Variants in COLEC10 observed in about 807,000 individuals in gnomAD.
COLEC10 encodes the protein collectin-10.
COLEC10 carries 22 observed loss-of-function variants against 28.4 expected under a neutral mutation model. The ratio of observed to expected loss-of-function variants is 0.78; its 90% confidence interval spans 0.55 to 1.11. The LOEUF is 1.11. Ranked by LOEUF, COLEC10 falls within the 50% of genes least tolerant of loss-of-function variation. COLEC10 has a pLI of 0.00. For synonymous variants in COLEC10, 125 were observed against 116.1 expected (o/e 1.08, Z -0.49); for missense variants, 361 against 344.1 (o/e 1.05, Z -0.39).
chr8:119,069,564 C>T (rs1815047742), intron 1 of COLEC10, among the ~76,000 whole-genome samples: 1 of 132,578 alleles, frequency 7.5e-6, no homozygotes. Context: ...CATGATCATG[C>T]CACTTCACTC....
At chr8:118,981,327 C>T in the COLEC10 span, among the ~76,000 whole-genome samples, 1 of 152,112 alleles carries the variant, frequency 6.6e-6, no homozygotes, top group Non-Finnish European at 1.5e-5. Flanking sequence ...CTTTACATTA[C>T]TGCAATTTAA....
intron 3 of COLEC10, among the ~76,000 whole-genome samples, chr8:119,099,089 A>G (rs1260956928): frequency 6.6e-6 from 1 of 152,044 alleles, no homozygotes; most frequent in Non-Finnish European, 1.5e-5. Context: ...AAATGTTTTT[A>G]TTTAAGGTCA....
intron 2 of COLEC10, among the ~76,000 whole-genome samples, chr8:119,034,301 G>A (rs574863452): frequency 6.6e-5 from 10 of 151,948 alleles, no homozygotes; most frequent in Non-Finnish European, 1.3e-4. Context: ...ATGACAGGTT[G>A]ATGGGTGCAG....
rs1283165303 is a variant in COLEC10 at position 118,997,385 on chromosome 8, A to G, written n.122+1812A>G. Among the ~76,000 whole-genome samples, 5 of 152,106 alleles carry G rather than the reference A, an allele frequency of 3.3e-5. No homozygotes were observed. In the South Asian group the frequency reaches 1.0e-3, roughly 32 times the overall value. ...TCATATCCAATAAATCATTTTCAAG[A>G]CCAATGTTTTGAAGCTTTTCCCCTG... On this transcript the variant is annotated intron_variant and non_coding_transcript_variant, in intron 1 of 6. Transcript: ENST00000521788.
At chr8:118,971,430 G>T in the COLEC10 span, among the ~76,000 whole-genome samples, 1 of 151,862 alleles carries the variant, frequency 6.6e-6, no homozygotes, top group South Asian at 2.1e-4. Context: ...CACACTCAGG[G>T]TACCACACAC....
intron 1 of COLEC10, among the ~76,000 whole-genome samples, chr8:118,998,066 G>A (rs1017157830): frequency 2.0e-5 from 3 of 152,106 alleles, no homozygotes; most frequent in Admixed American, 6.6e-5. Context: ...AAATTAAAGT[G>A]ATGTGATTTT....
intron 2 of COLEC10, among the ~76,000 whole-genome samples, chr8:119,011,963 C>T (rs1813906780): frequency 6.6e-6 from 1 of 150,422 alleles, no homozygotes; most frequent in Admixed American, 6.6e-5. Context: ...CTGTTCTTGT[C>T]TTGTTGCATT....
intron 2 of COLEC10, among the ~76,000 whole-genome samples, chr8:119,043,814 C>A (rs1814539177): frequency 6.6e-6 from 1 of 152,204 alleles, no homozygotes; most frequent in African/African-American, 2.4e-5. Flanking sequence ...GTCCAACACT[C>A]TCCTTTAATG....
chr8:118,977,617 G>A, the COLEC10 span, among the ~76,000 whole-genome samples: 1 of 119,720 alleles, frequency 8.4e-6, no homozygotes, highest in Non-Finnish European at 1.7e-5. Context: ...GGGGGAGGGG[G>A]GAGGGATAGC....
chr8:118,981,156 C>T, the COLEC10 span, among the ~76,000 whole-genome samples: 21 of 151,958 alleles, frequency 1.4e-4, no homozygotes, highest in Middle Eastern at 3.4e-3. Flanking sequence ...CTGTGGGTTC[C>T]GCCTCAAAGT....
At chr8:119,029,489 A>G (rs1045661786) in intron 2 of COLEC10, among the ~76,000 whole-genome samples, 6 of 152,124 alleles carry the variant, frequency 3.9e-5, no homozygotes, top group Admixed American at 6.5e-5. Context: ...GGACTATGTG[A>G]TTATATACAG....
chr8:119,052,399 G>T (rs1259124966), intron 2 of COLEC10, among the ~76,000 whole-genome samples: 1 of 151,852 alleles, frequency 6.6e-6, no homozygotes, highest in East Asian at 1.9e-4. Flanking sequence ...GGTCCTTTCA[G>T]CCAGTTAAGT....
At chr8:119,001,236 A>C (rs1346475248) in intron 1 of COLEC10, among the ~76,000 whole-genome samples, 1 of 152,172 alleles carries the variant, frequency 6.6e-6, no homozygotes, top group Non-Finnish European at 1.5e-5. Flanking sequence ...TTGAAAAGAG[A>C]AAGAAAATAT....
At chr8:119,016,873 C>G (rs530732353) in intron 2 of COLEC10, among the ~76,000 whole-genome samples, 13 of 152,100 alleles carry the variant, frequency 8.5e-5, no homozygotes, top group Admixed American at 7.9e-4. Context: ...CCCACCACCA[C>G]GCCCAGCTAA....
At chr8:118,958,277 G>A in the COLEC10 span, among the ~76,000 whole-genome samples, 10 of 152,208 alleles carry the variant, frequency 6.6e-5, no homozygotes, top group African/African-American at 9.6e-5. Context: ...CGAGAGCAGT[G>A]GAACTTGAAA....
intron 3 of COLEC10, among the ~76,000 whole-genome samples, chr8:119,098,324 A>G (rs1369028853): frequency 6.6e-6 from 1 of 152,094 alleles, no homozygotes; most frequent in Non-Finnish European, 1.5e-5. Flanking sequence ...CTGAGCCCCA[A>G]AGTGGATGAA....
the COLEC10 span, among the ~76,000 whole-genome samples, chr8:118,960,475 T>C: frequency 6.6e-6 from 1 of 152,216 alleles, no homozygotes; most frequent in Non-Finnish European, 1.5e-5. Context: ...TCATTTTACC[T>C]AGCTGGGTCA....
At chr8:118,990,995 C>G (rs1048701166), upstream of COLEC10, among the ~76,000 whole-genome samples, 4 of 151,856 alleles carry the variant, frequency 2.6e-5, no homozygotes, top group Admixed American at 6.6e-5. Flanking sequence ...CACCATAATG[C>G]TGTTCATTGT....
chr8:119,100,986 AG>A (rs1169514607), intron 3 of COLEC10, among the ~76,000 whole-genome samples: 1 of 152,202 alleles, frequency 6.6e-6, no homozygotes, highest in African/African-American at 2.4e-5. Context: ...AATGATCAAA[AG>A]TAACTATGTA....
Sources: allele counts gnomAD v4.1 joint callset (sites outside exome capture counted in the v4.1 genomes callset), GRCh38; gene constraint gnomAD v4.1.1; transcripts MANE v1.5; gene names NCBI Gene and HGNC (gene_info 2026-07-23, HGNC 2026-07-21).